Variants in DPYD observed in about 807,000 individuals in gnomAD.
DPYD encodes the protein dihydropyrimidine dehydrogenase [NADP(+)].
In DPYD, 109 loss-of-function variants were observed where a neutral mutation model predicts 116.2. The observed-to-expected ratio is 0.94, with a 90% CI of 0.80 to 1.10. The LOEUF is 1.10. Among genes scored for constraint, DPYD ranks in the 50% least tolerant of loss-of-function variants. The probability of loss-of-function intolerance (pLI) is 0.00; values close to 1 mark genes in which losing one functional copy is unlikely to be tolerated. For synonymous variants in DPYD, 440 were observed against 432.0 expected, an observed-to-expected ratio of 1.02 and a Z score of -0.23; for missense variants, 1,302 against 1,254.5, an observed-to-expected ratio of 1.04 and a Z score of -0.57.
Position 97,316,367 on chromosome 1 carries a change from A to C in DPYD, c.2059-10070T>G, listed in dbSNP as rs150985104. Among the ~76,000 whole-genome samples the C allele has an allele frequency of 4.3e-3, 646 of 151,216 alleles. 11 individuals carry two copies. Among genetic ancestry groups the C allele is most frequent in the African/African-American group, 0.015 (619 of 41,334 alleles). On this transcript the variant is annotated intron_variant, in intron 16 of 22. Coordinates refer to ENST00000370192, the MANE Select transcript of DPYD (RefSeq NM_000110.4). ...GAAAAAAAAAAACAAAAAAACAAAA[A>C]ACCAGGCATGGTAACACATACCTGT...
chr1:97,097,101 T>TTGCC (rs1650316963), intron 21 of DPYD, among the ~76,000 whole-genome samples: 1 of 152,214 alleles, frequency 6.6e-6, no homozygotes, highest in Non-Finnish European at 1.5e-5. Flanking sequence ...GTTCAGTTCA[T>TTGCC]ACTTTTAGTG....
intron 20 of DPYD, among the ~76,000 whole-genome samples, chr1:97,103,657 A>G (rs1484414990): frequency 6.6e-6 from 1 of 152,144 alleles, no homozygotes; most frequent in Non-Finnish European, 1.5e-5. Flanking sequence ...CAACATTCAC[A>G]TAGTGATGAG....
intron 3 of DPYD, among the ~76,000 whole-genome samples, chr1:97,791,998 A>C (rs761827718): frequency 6.6e-6 from 1 of 152,222 alleles, no homozygotes; most frequent in Non-Finnish European, 1.5e-5. Context: ...ACAAAAAAAA[A>C]CTATATTTTT....
At chr1:97,698,290 C>G (rs981887205) in intron 6 of DPYD, among the ~76,000 whole-genome samples, 3 of 151,648 alleles carry the variant, frequency 2.0e-5, no homozygotes, top group Non-Finnish European at 4.4e-5. Context: ...ATAGCTTATA[C>G]ATCAATATTT....
At chr1:97,904,173 T>C (rs1057264749) in intron 1 of DPYD, among the ~76,000 whole-genome samples, 1 of 151,948 alleles carries the variant, frequency 6.6e-6, no homozygotes. Context: ...GAACCACTAT[T>C]CCACAAAGTT....
chr1:97,367,038 G>A (rs1388744890), intron 16 of DPYD, among the ~76,000 whole-genome samples: 1 of 152,008 alleles, frequency 6.6e-6, no homozygotes, highest in Non-Finnish European at 1.5e-5. Context: ...TGTGGTCATT[G>A]CTCCCTGGAC....
intron 20 of DPYD, among the ~76,000 whole-genome samples, chr1:97,168,958 T>C (rs528870892): frequency 1.1e-4 from 17 of 152,024 alleles, no homozygotes; most frequent in African/African-American, 4.1e-4. Context: ...GCAATTCTCC[T>C]GCCTCAGTCT....
chr1:97,307,945 T>C (rs1558016473), intron 16 of DPYD, among the ~76,000 whole-genome samples: 1 of 151,906 alleles, frequency 6.6e-6, no homozygotes, highest in Non-Finnish European at 1.5e-5. Flanking sequence ...CTCTTTAAGG[T>C]AGACTTTGAC....
chr1:97,656,181 C>T (rs751055574), intron 8 of DPYD, among the ~76,000 whole-genome samples: 14 of 152,154 alleles, frequency 9.2e-5, no homozygotes, highest in Non-Finnish European at 1.8e-4. Flanking sequence ...ATTCTACCTA[C>T]GGAGCAGTTG....
At chr1:97,438,393 T>C (rs1016774669) in intron 14 of DPYD, among the ~76,000 whole-genome samples, 1 of 152,076 alleles carries the variant, frequency 6.6e-6, no homozygotes, top group Non-Finnish European at 1.5e-5. Context: ...TTAATTTCTC[T>C]CAGAAATGGA....
chr1:97,800,909 C>A (rs1433488551), intron 3 of DPYD, among the ~76,000 whole-genome samples: 2 of 151,934 alleles, frequency 1.3e-5, no homozygotes, highest in Non-Finnish European at 2.9e-5. Context: ...GATAACATTT[C>A]TCCCTGAGTC....
At position 97,558,979 on chromosome 1, in the gene DPYD, G is replaced by A. The variant is rs549483185; in HGVS notation, c.1340-9235C>T. Among the ~76,000 whole-genome samples, 6 of 152,196 alleles carry A rather than the reference G, an allele frequency of 3.9e-5. No individual in the cohort carries two copies. The South Asian group carries it at 1.2e-3, about 32-fold the overall frequency. ...GTTGGATTCCCAAATGCTGTACTTT[G>A]ATTTGCTTATTTATATTCAATGATA... On this transcript the variant is annotated intron_variant, in intron 11 of 22. Coordinates refer to ENST00000370192, the MANE Select transcript of DPYD (RefSeq NM_000110.4).
chr1:97,249,598 T>TA (rs1003255334), intron 18 of DPYD, among the ~76,000 whole-genome samples: 45 of 149,280 alleles, frequency 3.0e-4, no homozygotes, highest in African/African-American at 4.7e-4. Flanking sequence ...ACGACTAATT[T>TA]AAAAAAAAAA....
intron 20 of DPYD, among the ~76,000 whole-genome samples, chr1:97,122,128 A>T (rs1652488080): frequency 6.6e-6 from 1 of 152,162 alleles, no homozygotes; most frequent in Non-Finnish European, 1.5e-5. Flanking sequence ...GCATTTGAGG[A>T]GTAGCAATTA....
intron 2 of DPYD, among the ~76,000 whole-genome samples, chr1:97,831,730 GAGA>G (rs1161765643): frequency 1.3e-5 from 2 of 151,794 alleles, no homozygotes. Flanking sequence ...CAGATAAAAA[GAGA>G]AAAGGGGACA....
At chr1:97,700,322 A>G (rs761184874) in intron 5 of DPYD, 1 of 454,794 alleles carries the variant, frequency 2.2e-6, no homozygotes, top group South Asian at 1.6e-5. Flanking sequence ...AATAAAGTAC[A>G]GAAGAGTGAG....
rs536141704 is a variant in DPYD at position 97,832,921 on chromosome 1, C to G, written c.151-4725G>C. Among the ~76,000 whole-genome samples, 9 of 15,006 alleles carry G rather than the reference C, an allele frequency of 6.0e-4. No homozygotes were observed. The South Asian group carries it at 0.029, about 49-fold the overall frequency. The allele number at this position is 15,006 out of a possible 152,430, so 9.8% of individuals were successfully genotyped here. ...TAAAATTCACTGAGTTATCTTTGCT[C>G]AAATTATACCAAAAAAAATCACAAA... On this transcript the variant is annotated intron_variant, in intron 2 of 22. Coordinates refer to ENST00000370192, the MANE Select transcript of DPYD (RefSeq NM_000110.4).
chr1:97,893,902 A>G (rs141763807), intron 1 of DPYD, among the ~76,000 whole-genome samples: 53 of 151,900 alleles, frequency 3.5e-4, no homozygotes, highest in African/African-American at 1.2e-3. Context: ...TGTCTTTCAG[A>G]AAAGATTGAC....
At chr1:97,805,191 G>A (rs1344300486) in intron 3 of DPYD, among the ~76,000 whole-genome samples, 1 of 151,712 alleles carries the variant, frequency 6.6e-6, no homozygotes, top group Non-Finnish European at 1.5e-5. Context: ...AGTTTTTGAA[G>A]AACAATCAAA....
Sources: allele counts gnomAD v4.1 joint callset (sites outside exome capture counted in the v4.1 genomes callset), GRCh38; gene constraint gnomAD v4.1.1; transcripts MANE v1.5; gene names NCBI Gene and HGNC (gene_info 2026-07-23, HGNC 2026-07-21).